The following NR1H3 variants were observed in gnomAD, a reference collection of about 807,000 sequenced individuals.
NR1H3 encodes oxysterols receptor LXR-alpha.
In NR1H3, 19 loss-of-function variants were observed where a neutral mutation model predicts 48.1. The ratio of observed to expected loss-of-function variants is 0.40; its 90% confidence interval spans 0.28 to 0.58. The LOEUF (loss-of-function observed/expected upper bound fraction) is 0.58. Ranked by LOEUF, NR1H3 falls within the 20% of genes least tolerant of loss-of-function variation. NR1H3 has a pLI of 0.50. For missense variants in NR1H3, 486 were observed against 595.9 expected (o/e 0.82, Z 1.92); for synonymous variants, 232 against 227.3 (o/e 1.02, Z -0.19).
At chr11:47,258,893 A>G (rs928444898) in intron 1 of NR1H3, 8 of 345,470 alleles carry the variant, frequency 2.3e-5, no homozygotes, top group Admixed American at 1.7e-4. Context: ...GCCTTATAAC[A>G]GGCTGGGCGC....
upstream of NR1H3, chr11:47,257,518 C>T (rs949765074): frequency 6.3e-6 from 2 of 318,180 alleles, no homozygotes; most frequent in African/African-American, 4.5e-5. Context: ...AGGCCTGGGG[C>T]TAGTGGGGAG....
upstream of NR1H3, among the ~76,000 whole-genome samples, chr11:47,253,423 T>C (rs1372603813): frequency 1.3e-5 from 2 of 152,226 alleles, no homozygotes; most frequent in African/African-American, 4.8e-5. Context: ...CTGTATCATC[T>C]CTGAACTCAG....
Position 47,267,901 on chromosome 11 carries a change from C to G in NR1H3, c.989-12C>G. Reference sequence around the variant, plus strand: ...CCTGCTGCTTGCGTCAGCCTCCCTTCTTCCTCCCCAGGGCTGCAAGTGGAA... The same window carrying G: ...CCTGCTGCTTGCGTCAGCCTCCCTTGTTCCTCCCCAGGGCTGCAAGTGGAA... On this transcript the variant is annotated splice_polypyrimidine_tract_variant and intron_variant, in intron 7 of 9. Transcript: ENST00000441012. The G allele has an allele frequency of 1.2e-6, 2 of 1,602,130 alleles. No individual in the cohort carries two copies. The highest frequency in any genetic ancestry group is 8.6e-7 in the Non-Finnish European group (1 of 1,169,192).
Position 47,268,699 on chromosome 11 carries a change from GT to G in NR1H3, c.*5del. Reference sequence around the variant, plus strand: ...AGATCTGGGATGTGCACGAATGACTGTTCTGTCCCCATATTTTCTGTTTTCT... The same window carrying G: ...AGATCTGGGATGTGCACGAATGACTGTCTGTCCCCATATTTTCTGTTTTCT... On this transcript the variant is annotated 3_prime_UTR_variant, in exon 10 of 10. Coordinates refer to ENST00000441012, the MANE Select transcript of NR1H3 (RefSeq NM_005693.4). 1.2e-6 allele frequency: 2 copies of G among 1,613,484 alleles called. No homozygotes were observed. The highest frequency in any genetic ancestry group is 2.2e-5 in the South Asian group (2 of 91,046).
In NR1H3 at chr11:47,261,297, C is replaced by T. The variant is rs1365812318; in HGVS notation, c.556C>T (p.Gln186Ter). The change falls in exon 5 of 10, where the codon CAG (glutamine) becomes TAG (stop). Residue 186 changes from glutamine (Q) to a stop codon, truncating the protein, a stop_gained. Transcript: ENST00000441012. LOFTEE classifies it high-confidence loss of function. ...GAAACTGAAGCGGCAAGAGGAGGAA[C>T]AGGCTCATGCCACATCCTTGCCCCC... Reference protein sequence around the residue: ...LKKLKRQEEEQAHATSLPPRA... With the variant: ...LKKLKRQEEE The T allele has an allele frequency of 6.2e-7, 1 of 1,613,766 alleles. No individual in the cohort carries two copies. Among genetic ancestry groups the T allele is most frequent in the Non-Finnish European group, 8.5e-7 (1 of 1,179,996 alleles).
At chr11:47,260,787 TCC>T in intron 4 of NR1H3, 112 bp downstream of exon 4, 1 of 1,346,788 alleles carries the variant, frequency 7.4e-7, no homozygotes, top group Non-Finnish European at 9.9e-7. Flanking sequence ...TAAGTATGGA[TCC>T]CAGTATCTTT....
At chr11:47,266,682 T>A (rs1380066040) in intron 7 of NR1H3, among the ~76,000 whole-genome samples, 2 of 145,882 alleles carry the variant, frequency 1.4e-5, no homozygotes. Flanking sequence ...CGCTCTGTCA[T>A]CCAGGCTGGA....
chr11:47,260,676 G>C lies in NR1H3; in HGVS notation c.499+1G>C. On this transcript the variant is annotated splice_donor_variant, in intron 4 of 9. Coordinates refer to ENST00000441012, the MANE Select transcript of NR1H3 (RefSeq NM_005693.4). LOFTEE classifies it high-confidence loss of function. ...CGTCAGGCTGGCATGCGGGAGGAGT[G>C]TGAGTTTCTGGGGCTGGAGTGGGGA... The C allele has an allele frequency of 6.3e-7, 1 of 1,591,448 alleles. No homozygotes were observed. The highest frequency in any genetic ancestry group is 8.5e-7 in the Non-Finnish European group (1 of 1,173,772).
chr11:47,253,583 T>C (rs1245196561), upstream of NR1H3, among the ~76,000 whole-genome samples: 2 of 152,238 alleles, frequency 1.3e-5, no homozygotes, highest in Non-Finnish European at 2.9e-5. Context: ...GAAGCAGTTC[T>C]CCTGGTCCAT....
upstream of NR1H3, among the ~76,000 whole-genome samples, chr11:47,255,710 C>T (rs1434527775): frequency 4.0e-5 from 6 of 149,604 alleles, no homozygotes; most frequent in Admixed American, 1.3e-4. Context: ...TGTTGTTGCC[C>T]GGGCTGGAGG....
chr11:47,260,305 A>T, intron 3 of NR1H3, 104 bp from the exon 4 acceptor site: 2 of 1,422,830 alleles, frequency 1.4e-6, no homozygotes, highest in Non-Finnish European at 9.5e-7. Flanking sequence ...AGTTTGTATA[A>T]TGAAGGGAAT....
In NR1H3 at chr11:47,268,309, C is replaced by T; in HGVS notation, c.1151C>T (p.Thr384Ile). 2 of 1,614,158 alleles carry T rather than the reference C, an allele frequency of 1.2e-6. No individual in the cohort carries two copies. The highest frequency in any genetic ancestry group is 1.7e-6 in the Non-Finnish European group (2 of 1,180,024). ...CTCCAGGTAGAGAGGCTGCAGCACACATATGTGGAAGCCCTGCATGCCTAC... is the reference window on the plus strand; with the variant it reads ...CTCCAGGTAGAGAGGCTGCAGCACATATATGTGGAAGCCCTGCATGCCTAC... ...DQLQVERLQH[T>I]YVEALHAYVS... Residue 384 changes from threonine to isoleucine, a missense_variant, in exon 9 of 10, where the codon ACA (threonine) becomes ATA (isoleucine). Thr to Ile is a moderately conservative substitution (Grantham distance 89). Coordinates refer to ENST00000441012, the MANE Select transcript of NR1H3 (RefSeq NM_005693.4).
At position 47,268,816 on chromosome 11, in the gene NR1H3, T is replaced by G; in HGVS notation, c.*120T>G. 1 of 1,287,442 alleles carries G rather than the reference T, an allele frequency of 7.8e-7. No individual in the cohort carries two copies. The highest frequency in any genetic ancestry group is 1.1e-6 in the Non-Finnish European group (1 of 935,466). The allele number at this position is 1,287,442 out of a possible 1,614,324, so 79.8% of individuals were successfully genotyped here. ...TCCTGGGAGCTGGGCAAGGAGATCC[T>G]CCCGTGGCATTAAAAGAGAGTCAAA... is the stretch of plus-strand genomic sequence containing the variant. On this transcript the variant is annotated 3_prime_UTR_variant, in exon 10 of 10. Transcript: ENST00000441012.
intron 7 of NR1H3, among the ~76,000 whole-genome samples, chr11:47,266,429 CAG>C (rs1230800100): frequency 3.3e-5 from 5 of 152,092 alleles, no homozygotes; most frequent in Non-Finnish European, 7.4e-5. Context: ...CTCCACCTCC[CAG>C]GTTCAAGCAA....
In NR1H3 at chr11:47,259,249, C is replaced by T. The variant is rs1244332684; in HGVS notation, c.33C>T (p.Asp11=). Residue 11 remains aspartate, a synonymous_variant, in exon 2 of 10, where the codon GAC becomes GAT. Coordinates refer to ENST00000441012, the MANE Select transcript of NR1H3 (RefSeq NM_005693.4). ...TGTGGCTGGGGGCCCCTGTGCCTGA[C>T]ATTCCTCCTGGTAAGCTTCATTCCA... The part of the protein sequence containing the change: MSLWLGAPVP[D]IPPDSAVELW... 2 of 1,614,186 alleles carry T rather than the reference C, an allele frequency of 1.2e-6. No individual in the cohort carries two copies. Among genetic ancestry groups the T allele is most frequent in the Non-Finnish European group, 1.7e-6 (2 of 1,180,026 alleles).
chr11:47,264,165 G>A (rs927253443), intron 7 of NR1H3, among the ~76,000 whole-genome samples: 7 of 152,202 alleles, frequency 4.6e-5, no homozygotes, highest in Non-Finnish European at 8.8e-5. Context: ...GGCTGAGGGA[G>A]TTTTGGAGGG....
chr11:47,268,126 G>A (rs1685405), intron 8 of NR1H3, 100 bp downstream of exon 8: 6 of 1,146,386 alleles, frequency 5.2e-6, no homozygotes, highest in Non-Finnish European at 5.2e-6. Context: ...TGGCTTGGGA[G>A]GGTGGAGGCA....
In NR1H3 at chr11:47,261,350, G is replaced by A. The variant is rs749531069; in HGVS notation, c.609G>A (p.Leu203=). ...GGGCTTCCTCACCCCCCCAAATCCT[G>A]CCCCAGCTCAGCCCGGAACAACTGG... is the stretch of plus-strand genomic sequence containing the variant. ...PPRASSPPQI[L]PQLSPEQLGM... The change falls in exon 5 of 10, where the codon CTG becomes CTA. Residue 203 remains leucine (L), a synonymous_variant. Coordinates refer to ENST00000441012, the MANE Select transcript of NR1H3 (RefSeq NM_005693.4). The A allele has an allele frequency of 6.2e-7, 1 of 1,613,720 alleles. No homozygotes were observed. Among genetic ancestry groups the A allele is most frequent in the South Asian group, 1.1e-5 (1 of 91,066 alleles).
At chr11:47,265,499 C>T (rs1956369007) in intron 7 of NR1H3, among the ~76,000 whole-genome samples, 1 of 152,200 alleles carries the variant, frequency 6.6e-6, no homozygotes, top group Admixed American at 6.5e-5. Context: ...GTATGAGAGA[C>T]ATTCTCTAGG....
Sources: gnomAD v4.1 joint callset for allele counts (sites outside exome capture counted in the v4.1 genomes callset) on GRCh38, gnomAD v4.1.1 for gene constraint, MANE v1.5 for transcripts, NCBI Gene and HGNC (gene_info 2026-07-23, HGNC 2026-07-21) for gene names.